Variants in PHF21B observed in about 807,000 individuals in gnomAD.
PHF21B encodes the protein PHD finger protein 4.
Under a neutral mutation model 62.2 loss-of-function variants are expected in PHF21B, and 22 were observed. The observed-to-expected ratio is 0.35, with a 90% CI of 0.25 to 0.51. The LOEUF is 0.51. Among genes scored for constraint, PHF21B ranks in the 20% least tolerant of loss-of-function variants. The probability of loss-of-function intolerance (pLI) is 0.97; values close to 1 mark genes in which losing one functional copy is unlikely to be tolerated. For missense variants in PHF21B, 701 were observed against 707.9 expected, an observed-to-expected ratio of 0.99 and a Z score of 0.11; for synonymous variants, 341 against 314.7, an observed-to-expected ratio of 1.08 and a Z score of -0.88.
At chr22:44,942,995 A>ACCCCC (rs136699) in intron 2 of PHF21B, among the ~76,000 whole-genome samples, 2 of 140,728 alleles carry the variant, frequency 1.4e-5, no homozygotes, top group African/African-American at 5.6e-5. Context: ...GCAGGGAGGG[A>ACCCCC]CCCCCCCCCC....
chr22:44,997,072 C>T (rs893357828), intron 2 of PHF21B, among the ~76,000 whole-genome samples: 1 of 152,208 alleles, frequency 6.6e-6, no homozygotes, highest in Non-Finnish European at 1.5e-5. Context: ...GCCTATTGTG[C>T]CCACTGCTCA....
intron 7 of PHF21B, among the ~76,000 whole-genome samples, chr22:44,892,141 T>C (rs578098818): frequency 2.2e-4 from 33 of 151,772 alleles, no homozygotes; most frequent in Non-Finnish European, 4.4e-4. Context: ...CGAACAAATC[T>C]AAAGGAATGA....
chr22:44,907,577 T>C (rs576577891), intron 5 of PHF21B, among the ~76,000 whole-genome samples: 1 of 152,274 alleles, frequency 6.6e-6, no homozygotes, highest in African/African-American at 2.4e-5. Flanking sequence ...CAAGTGTCCT[T>C]AGGGCAGTCT....
chr22:44,951,095 G>C (rs987191556), intron 2 of PHF21B, among the ~76,000 whole-genome samples: 3 of 152,146 alleles, frequency 2.0e-5, no homozygotes, highest in African/African-American at 7.2e-5. Context: ...ACCAGATGCA[G>C]CTTAAGCACC....
At chr22:44,946,942 C>A (rs751254450) in intron 2 of PHF21B, among the ~76,000 whole-genome samples, 1 of 152,182 alleles carries the variant, frequency 6.6e-6, no homozygotes, top group Non-Finnish European at 1.5e-5. Flanking sequence ...GGAAACGGGG[C>A]ACAGGATAGA....
intron 2 of PHF21B, among the ~76,000 whole-genome samples, chr22:45,007,138 G>T (rs546733257): frequency 6.6e-6 from 1 of 151,226 alleles, no homozygotes; most frequent in African/African-American, 2.4e-5. Flanking sequence ...AAGGGTTAGC[G>T]CATTTGTCCC....
At chr22:44,940,533 CA>C (rs1458249589) in intron 2 of PHF21B, among the ~76,000 whole-genome samples, 1 of 152,210 alleles carries the variant, frequency 6.6e-6, no homozygotes, top group African/African-American at 2.4e-5. Context: ...GGAATGATCC[CA>C]GGGGCTGAAG....
intron 2 of PHF21B, among the ~76,000 whole-genome samples, chr22:44,957,034 T>C (rs371731525): frequency 6.6e-6 from 1 of 152,082 alleles, no homozygotes; most frequent in East Asian, 1.9e-4. Context: ...GTGGGAGCTG[T>C]ACCCAGAGGT....
Position 44,950,250 on chromosome 22 carries a change from G to A in PHF21B, c.121-29760C>T, listed in dbSNP as rs76478455. On this transcript the variant is annotated intron_variant, in intron 2 of 12. Coordinates refer to ENST00000313237, the MANE Select transcript of PHF21B (RefSeq NM_138415.5). ...GCATTGTTGCCTTGTTTTCAACATCGGTAGACTCGTCAACCCTGGGTTGCG... is the reference window on the plus strand; with the variant it reads ...GCATTGTTGCCTTGTTTTCAACATCAGTAGACTCGTCAACCCTGGGTTGCG... Among the ~76,000 whole-genome samples the A allele has an allele frequency of 1.3e-3, 204 of 152,256 alleles. 1 individual carries two copies. Among genetic ancestry groups the A allele is most frequent in the Non-Finnish European group, 2.4e-3 (163 of 68,028 alleles).
intron 5 of PHF21B, among the ~76,000 whole-genome samples, chr22:44,911,105 TGA>T (rs2071337040): frequency 6.6e-6 from 1 of 152,124 alleles, no homozygotes; most frequent in Admixed American, 6.5e-5. Context: ...ACTTTGAACT[TGA>T]GAGAGATGAT....
rs546047935 is a variant in PHF21B at position 44,886,029 on chromosome 22, C to T, written c.1198-91G>A. The T allele has an allele frequency of 7.8e-5, 97 of 1,243,954 alleles. 1 individual carries two copies. The African/African-American group carries it at 8.6e-4, about 11-fold the overall frequency. The allele number at this position is 1,243,954 out of a possible 1,614,324, so 77.1% of individuals were successfully genotyped here. Reference sequence around the variant, plus strand: ...CTGGCTGTGTAACCCTGAGGGGGCACGCCCTGTCTGAGCCACAGGGTCCTC... The same window carrying T: ...CTGGCTGTGTAACCCTGAGGGGGCATGCCCTGTCTGAGCCACAGGGTCCTC... On this transcript the variant is annotated intron_variant, in intron 10 of 12. Coordinates refer to ENST00000313237, the MANE Select transcript of PHF21B (RefSeq NM_138415.5).
intron 2 of PHF21B, among the ~76,000 whole-genome samples, chr22:44,978,348 TTTTG>T (rs997254333): frequency 1.3e-5 from 2 of 152,012 alleles, no homozygotes; most frequent in African/African-American, 4.8e-5. Flanking sequence ...CTCCCTGTGA[TTTTG>T]TTTTTGTTTG....
intron 2 of PHF21B, among the ~76,000 whole-genome samples, chr22:44,942,497 C>G (rs1313030411): frequency 6.6e-6 from 1 of 152,222 alleles, no homozygotes; most frequent in Admixed American, 6.5e-5. Flanking sequence ...ACTGAACACA[C>G]AGGGAAACGT....
At chr22:44,923,854 A>T (rs189886766) in intron 2 of PHF21B, among the ~76,000 whole-genome samples, 316 of 151,996 alleles carry the variant, frequency 2.1e-3, no homozygotes, top group African/African-American at 7.2e-3. Flanking sequence ...GAAAAAAAAA[A>T]TTAAAAATTA....
intron 2 of PHF21B, among the ~76,000 whole-genome samples, chr22:45,005,592 C>CT (rs2073301279): frequency 6.6e-6 from 1 of 152,162 alleles, no homozygotes; most frequent in Admixed American, 6.5e-5. Flanking sequence ...AAACATCGCG[C>CT]TAAGGGCATG....
chr22:44,943,755 T>TA (rs1414142138), intron 2 of PHF21B, among the ~76,000 whole-genome samples: 1 of 152,054 alleles, frequency 6.6e-6, no homozygotes, highest in Non-Finnish European at 1.5e-5. Flanking sequence ...GCTCTCACCT[T>TA]AGTCTCTACC....
At chr22:44,988,349 C>T (rs2072988821) in intron 2 of PHF21B, among the ~76,000 whole-genome samples, 1 of 152,148 alleles carries the variant, frequency 6.6e-6, no homozygotes, top group Non-Finnish European at 1.5e-5. Flanking sequence ...GTTGTCCTAG[C>T]TACTCAGGAG....
At chr22:44,973,450 G>A (rs558278759) in intron 2 of PHF21B, among the ~76,000 whole-genome samples, 3 of 152,360 alleles carry the variant, frequency 2.0e-5, no homozygotes, top group South Asian at 4.1e-4. Flanking sequence ...GGCGGAGACA[G>A]AGAACCACAG....
At chr22:44,907,781 G>C (rs1356512011) in intron 5 of PHF21B, among the ~76,000 whole-genome samples, 1 of 152,206 alleles carries the variant, frequency 6.6e-6, no homozygotes, top group African/African-American at 2.4e-5. Flanking sequence ...AGCAAACCTA[G>C]GAAAGTAAGG....
Sources: gnomAD v4.1 joint callset for allele counts (sites outside exome capture counted in the v4.1 genomes callset) on GRCh38, gnomAD v4.1.1 for gene constraint, MANE v1.5 for transcripts, NCBI Gene and HGNC (gene_info 2026-07-23, HGNC 2026-07-21) for gene names.